The following MYRF variants were observed in gnomAD, a reference collection of about 807,000 sequenced individuals.
MYRF encodes myelin gene regulatory factor.
MYRF carries 16 observed loss-of-function variants against 126.3 expected under a neutral mutation model. The observed-to-expected ratio is 0.13, with a 90% CI of 0.09 to 0.19. The LOEUF (loss-of-function observed/expected upper bound fraction) is 0.19, where lower values mean the gene tolerates loss of function less well. Among genes scored for constraint, MYRF ranks in the 10% least tolerant of loss-of-function variants. MYRF has a pLI of 1.00. For synonymous variants in MYRF, 608 were observed against 635.3 expected (o/e 0.96, Z 0.65); for missense variants, 1,104 against 1,547.0 (o/e 0.71, Z 4.80).
chr11:61,766,419 G>A, intron 3 of MYRF, 198 bp downstream of exon 3: 1 of 550,228 alleles, frequency 1.8e-6, no homozygotes, highest in Non-Finnish European at 3.1e-6. Context: ...TGAGGCAGTG[G>A]GCAGCCACAA....
At chr11:61,767,813 CAAAAAAA>C (rs35214869) in intron 3 of MYRF, among the ~76,000 whole-genome samples, 1 of 64,916 alleles carries the variant, frequency 1.5e-5, no homozygotes. Context: ...GACCCTGTCT[CAAAAAAA>C]AAAAAAAAAA....
rs1386634792 is a variant in MYRF, at chr11:61,781,380, A to C, written c.2764+51A>C. On this transcript the variant is annotated intron_variant, in intron 21 of 26. Coordinates refer to ENST00000278836, the MANE Select transcript of MYRF (RefSeq NM_001127392.3). ...TGGGGCGGGGGCTACCTGCGTAGAG[A>C]GAAAGGCCCAAATACTCATTGGTGG... The C allele has an allele frequency of 2.5e-6, 4 of 1,599,732 alleles. No homozygotes were observed. The African/African-American group carries it at 4.0e-5, about 16-fold the overall frequency.
intron 7 of MYRF, among the ~76,000 whole-genome samples, chr11:61,773,336 A>C (rs115275647): frequency 0.013 from 1,996 of 152,216 alleles, 41 homozygotes; most frequent in African/African-American, 0.044. Flanking sequence ...GGGGCCAAAC[A>C]TGGGACACTA....
intron 1 of MYRF, among the ~76,000 whole-genome samples, chr11:61,754,824 G>C (rs932382566): frequency 6.6e-6 from 1 of 152,232 alleles, no homozygotes; most frequent in African/African-American, 2.4e-5. Flanking sequence ...CCCCTGCGAT[G>C]GGGGAAGGTG....
intron 3 of MYRF, chr11:61,767,236 G>C (rs1412363909): frequency 2.2e-6 from 1 of 456,780 alleles, no homozygotes; most frequent in Non-Finnish European, 4.4e-6. Flanking sequence ...CTGTGAGGCT[G>C]TTCCTAAACT....
At chr11:61,774,826 C>G (rs945012156) in intron 8 of MYRF, among the ~76,000 whole-genome samples, 1 of 152,050 alleles carries the variant, frequency 6.6e-6, no homozygotes, top group Non-Finnish European at 1.5e-5. Context: ...CCTCTCGCCC[C>G]GTTTCCTGCT....
Position 61,778,477 on chromosome 11 carries a change from G to C in MYRF, c.2001G>C (p.Leu667=). 1 of 1,613,488 alleles carries C rather than the reference G, an allele frequency of 6.2e-7. No individual in the cohort carries two copies. Among genetic ancestry groups the C allele is most frequent in the Non-Finnish European group, 8.5e-7 (1 of 1,179,456 alleles). Residue 667 remains leucine, a synonymous_variant, in exon 14 of 27, where the codon CTG becomes CTC. Transcript: ENST00000278836. This position sits in a 1 kb window ranked among gnomAD's most constrained non-coding sequence, Gnocchi z 4.6. ...FANGKTIENF[L]VVNKERIFME... ...ATGGGAAAACCATAGAGAACTTCCT[G>C]GTGGTGAACAAGGTCTGTGGGTGGG...
At chr11:61,780,382 AAGG>A in intron 18 of MYRF, 92 bp downstream of exon 18, 3 of 1,164,856 alleles carry the variant, frequency 2.6e-6, no homozygotes, top group Non-Finnish European at 3.7e-6. Context: ...GTCTTCTCTA[AAGG>A]AGTTCATCCT....
chr11:61,786,174 G>C lies in MYRF; in HGVS notation c.*31G>C. The stretch of plus-strand genomic sequence containing the variant: ...CCTCCTGAGGCAGCACCACACCAGG[G>C]ACCAGGGGTGCCCAGGCACCCCCCA... On this transcript the variant is annotated 3_prime_UTR_variant, in exon 27 of 27. Coordinates refer to ENST00000278836, the MANE Select transcript of MYRF (RefSeq NM_001127392.3). The surrounding 1 kb of genome is among the most constrained non-coding windows in gnomAD (Gnocchi z 4.5). The C allele has an allele frequency of 6.2e-7, 1 of 1,604,604 alleles. No individual in the cohort carries two copies. Among genetic ancestry groups the C allele is most frequent in the Non-Finnish European group, 8.5e-7 (1 of 1,171,528 alleles).
In MYRF at chr11:61,757,265, C is replaced by T. The variant is rs761387890; in HGVS notation, c.46+4475C>T. 4.4e-5 allele frequency: 20 copies of T among 456,568 alleles called. 1 individual carries two copies. Among genetic ancestry groups the T allele is most frequent in the South Asian group, 6.2e-5 (4 of 64,554 alleles). 28.3% of individuals were successfully genotyped at this position (456,568 alleles called of 1,614,324 possible). On this transcript the variant is annotated intron_variant, in intron 1 of 26. Transcript: ENST00000278836. This position sits in a 1 kb window ranked among gnomAD's most constrained non-coding sequence, Gnocchi z 4.7. The stretch of plus-strand genomic sequence containing the variant: ...GGATGATGTAATGGTTCTGTGCATT[C>T]GCCAGCGAGGGCAGCTGGGGTCTGT...
At chr11:61,763,753 T>C (rs1668361676) in intron 1 of MYRF, among the ~76,000 whole-genome samples, 1 of 151,964 alleles carries the variant, frequency 6.6e-6, no homozygotes, top group African/African-American at 2.4e-5. Context: ...TAATCTCAGC[T>C]ACTCGGGAGG....
rs753465182 is a variant in MYRF, at chr11:61,774,102, C to G, written c.1251C>G (p.Val417=). ...GCATGCTGGGCGAGCCCAAGTACGTCAAGACGCCCGAGGGCCTCAAGCCCC... is the reference window on the plus strand; with the variant it reads ...GCATGCTGGGCGAGCCCAAGTACGTGAAGACGCCCGAGGGCCTCAAGCCCC... ...YIGMLGEPKY[V]KTPEGLKPLD... Residue 417 remains valine, a synonymous_variant, in exon 8 of 27, where the codon GTC becomes GTG. Coordinates refer to ENST00000278836, the MANE Select transcript of MYRF (RefSeq NM_001127392.3). The G allele has an allele frequency of 1.2e-6, 2 of 1,613,836 alleles. No homozygotes were observed. Among genetic ancestry groups the G allele is most frequent in the South Asian group, 2.2e-5 (2 of 91,080 alleles).
chr11:61,765,854 C>T, intron 2 of MYRF, 104 bp from the exon 3 acceptor site: 3 of 1,443,782 alleles, frequency 2.1e-6, no homozygotes, highest in Admixed American at 4.6e-5. Flanking sequence ...TTCCCAGCCA[C>T]TGACTCCTCC....
chr11:61,770,615 T>G (rs1240786132), intron 5 of MYRF, 90 bp downstream of exon 5: 12 of 1,307,770 alleles, frequency 9.2e-6, no homozygotes, highest in South Asian at 3.0e-5. Context: ...GAGAGGGAGG[T>G]AGGGACCGGG....
chr11:61,754,783 C>G (rs2065700248), intron 1 of MYRF, among the ~76,000 whole-genome samples: 1 of 152,168 alleles, frequency 6.6e-6, no homozygotes, highest in Non-Finnish European at 1.5e-5. Flanking sequence ...GGCTGCCCGT[C>G]TAGGAGGGCT....
At position 61,785,831 on chromosome 11, in the gene MYRF, T is replaced by C. The variant is rs2066679973; in HGVS notation, c.3332T>C (p.Leu1111Pro). 6.2e-7 allele frequency: 1 copy of C among 1,614,154 alleles called. No homozygotes were observed. Among genetic ancestry groups the C allele is most frequent in the Non-Finnish European group, 8.5e-7 (1 of 1,180,006 alleles). Residue 1111 changes from leucine (L) to proline (P), a missense_variant, in exon 26 of 27, where the codon CTG (leucine) becomes CCG (proline). Physicochemically the swap from Leu to Pro is moderately conservative, Grantham distance 98. Transcript: ENST00000278836. ...TCTCACCGGTGGCCAATAACCATCC[T>C]GTCCTTCCGTGAATTCACCTACCAC... ...GTSHRWPITI[L>P]SFREFTYHFR...
At chr11:61,784,211 TGGCTGGGAGGG>T in intron 24 of MYRF, 58 bp from the exon 25 acceptor site, 1 of 1,434,070 alleles carries the variant, frequency 7.0e-7, no homozygotes, top group South Asian at 1.2e-5. Flanking sequence ...TGTGGCAGGC[TGGCTGGGAGGG>T]GGCTGGGGTT....
intron 22 of MYRF, chr11:61,782,342 T>C (rs1227580230): frequency 1.3e-5 from 2 of 153,016 alleles, no homozygotes; most frequent in Non-Finnish European, 2.9e-5. Context: ...GCTTCCTGGC[T>C]TCAACCAGGC....
chr11:61,756,856 G>A (rs530300457), intron 1 of MYRF, among the ~76,000 whole-genome samples: 22 of 152,112 alleles, frequency 1.4e-4, no homozygotes, highest in Admixed American at 5.9e-4. Context: ...GGGCATTTGA[G>A]GGCAGAATGG....
Sources: gnomAD v4.1 joint callset for allele counts (sites outside exome capture counted in the v4.1 genomes callset) on GRCh38, gnomAD v4.1.1 for gene constraint, Gnocchi (gnomAD v3.1) non-coding constraint, MANE v1.5 for transcripts, NCBI Gene and HGNC (gene_info 2026-07-23, HGNC 2026-07-21) for gene names.